Variants in SLAMF9 observed in about 807,000 individuals in gnomAD.
SLAMF9 encodes the protein SLAM family member 9, also known as CD2 family member 10.
Under a neutral mutation model 30.4 loss-of-function variants are expected in SLAMF9, and 25 were observed. The observed-to-expected ratio is 0.82, with a 90% CI of 0.60 to 1.15. SLAMF9 has a LOEUF of 1.15. Ranked by LOEUF, SLAMF9 falls within the 50% of genes most tolerant of loss-of-function variation. The pLI, the probability that SLAMF9 is intolerant of heterozygous loss-of-function variation, is 0.00. For synonymous variants in SLAMF9, 129 were observed against 127.2 expected, an observed-to-expected ratio of 1.01 and a Z score of -0.09; for missense variants, 344 against 346.1, an observed-to-expected ratio of 0.99 and a Z score of 0.05.
the SLAMF9 span, among the ~76,000 whole-genome samples, chr1:159,967,495 A>T: frequency 6.6e-6 from 1 of 152,150 alleles, no homozygotes; most frequent in African/African-American, 2.4e-5. Flanking sequence ...CCAGTATTTG[A>T]TTACAATTTC....
At chr1:159,957,621 TA>T (rs879766357), upstream of SLAMF9, among the ~76,000 whole-genome samples, 28 of 150,368 alleles carry the variant, frequency 1.9e-4, no homozygotes, top group Admixed American at 5.3e-4. Flanking sequence ...AGACTCCATC[TA>T]AAAAAAAAAT....
the SLAMF9 span, among the ~76,000 whole-genome samples, chr1:159,968,579 G>A: frequency 3.3e-5 from 5 of 152,278 alleles, no homozygotes; most frequent in East Asian, 9.7e-4. Flanking sequence ...CTTTGTAGGG[G>A]AGAGAGGGAC....
chr1:159,970,464 T>C, the SLAMF9 span, among the ~76,000 whole-genome samples: 2 of 152,360 alleles, frequency 1.3e-5, no homozygotes, highest in African/African-American at 4.8e-5. Flanking sequence ...AGCAGGGCCA[T>C]TTCTCTGAGC....
chr1:159,953,785 C>T, intron 1 of SLAMF9, 132 bp from the exon 2 acceptor site: 1 of 814,050 alleles, frequency 1.2e-6, no homozygotes, highest in Non-Finnish European at 1.9e-6. Flanking sequence ...ATCCTGTTCT[C>T]CAGCTGCTGC....
At chr1:159,973,189 G>T in the SLAMF9 span, 1 of 1,496,216 alleles carries the variant, frequency 6.7e-7, no homozygotes, top group Non-Finnish European at 9.3e-7. Context: ...GACCTCAGGG[G>T]GTGCAGCTTT....
At chr1:159,971,451 G>A in the SLAMF9 span, among the ~76,000 whole-genome samples, 1 of 152,270 alleles carries the variant, frequency 6.6e-6, no homozygotes, top group South Asian at 2.1e-4. Flanking sequence ...TGACACTGCT[G>A]GAGAACAAGG....
the SLAMF9 span, among the ~76,000 whole-genome samples, chr1:159,971,411 G>A: frequency 6.6e-6 from 1 of 152,204 alleles, no homozygotes; most frequent in Admixed American, 6.5e-5. Flanking sequence ...CAATCAAACT[G>A]GACTCCTCAA....
At chr1:159,962,725 G>C in the SLAMF9 span, among the ~76,000 whole-genome samples, 1 of 152,184 alleles carries the variant, frequency 6.6e-6, no homozygotes, top group Non-Finnish European at 1.5e-5. Context: ...TGGAGTCAAA[G>C]TTATCTGCTA....
Position 159,953,483 on chromosome 1 carries a change from C to G in SLAMF9, c.217G>C (p.Ala73Pro). 2 of 1,614,190 alleles carry G rather than the reference C, an allele frequency of 1.2e-6. No individual in the cohort carries two copies. Among genetic ancestry groups the G allele is most frequent in the Non-Finnish European group, 1.7e-6 (2 of 1,180,024 alleles). The change falls in exon 2 of 4, where the codon GCT becomes CCT. Residue 73 changes from alanine (A) to proline (P), a missense_variant. Transcript: ENST00000368093. ...TGTGGATTGGTCACCATGATGGTAG[C>G]TGGATGTCCCTCTTTCCCTGGCACC... ...TVVPGKEGHP[A>P]TIMVTNPHYQ...
the SLAMF9 span, among the ~76,000 whole-genome samples, chr1:159,968,878 T>C: frequency 6.6e-6 from 1 of 151,990 alleles, no homozygotes; most frequent in Non-Finnish European, 1.5e-5. Context: ...TGGTGAAACC[T>C]CATTTCTACT....
At chr1:159,971,811 C>T in the SLAMF9 span, among the ~76,000 whole-genome samples, 1 of 152,112 alleles carries the variant, frequency 6.6e-6, no homozygotes, top group Admixed American at 6.5e-5. Context: ...ACACCCAGGC[C>T]CTTAGAGCTA....
chr1:159,976,973 G>GAAAAA, the SLAMF9 span: 1 of 115,804 alleles, frequency 8.6e-6, no homozygotes, highest in East Asian at 2.3e-4. Context: ...AAAGAAAGAA[G>GAAAAA]GAAAGAAGGA....
the SLAMF9 span, among the ~76,000 whole-genome samples, chr1:159,965,115 A>G: frequency 2.0e-5 from 3 of 152,372 alleles, no homozygotes; most frequent in East Asian, 5.8e-4. Flanking sequence ...TCAAGCTTCA[A>G]TTAAATGCCA....
chr1:159,982,342 C>T, the SLAMF9 span, among the ~76,000 whole-genome samples: 1 of 152,176 alleles, frequency 6.6e-6, no homozygotes, highest in Non-Finnish European at 1.5e-5. Context: ...TGCCGCTTCA[C>T]ATCAAGGCCT....
At chr1:159,967,176 A>G in the SLAMF9 span, among the ~76,000 whole-genome samples, 3 of 152,170 alleles carry the variant, frequency 2.0e-5, no homozygotes, top group Admixed American at 2.0e-4. Flanking sequence ...CTTCTAGGGT[A>G]CATGTGTACA....
chr1:159,978,728 A>G, the SLAMF9 span: 4 of 152,204 alleles, frequency 2.6e-5, no homozygotes, highest in Admixed American at 6.5e-5. Flanking sequence ...GAACCTCAAA[A>G]ATGGAACCTC....
the SLAMF9 span, among the ~76,000 whole-genome samples, chr1:159,959,792 G>A: frequency 6.6e-6 from 1 of 152,032 alleles, no homozygotes; most frequent in African/African-American, 2.4e-5. Flanking sequence ...ATCCATAGAT[G>A]AGGGGGTTCC....
chr1:159,977,792 CT>C, the SLAMF9 span, among the ~76,000 whole-genome samples: 2 of 152,196 alleles, frequency 1.3e-5, no homozygotes, highest in Admixed American at 6.5e-5. Flanking sequence ...CAGCTGTCCC[CT>C]CAGACAGACA....
chr1:159,963,782 C>A, the SLAMF9 span, among the ~76,000 whole-genome samples: 3 of 152,114 alleles, frequency 2.0e-5, no homozygotes, highest in Admixed American at 1.3e-4. Flanking sequence ...TTATTTGGGC[C>A]AGGCGCAGTG....
Sources: allele counts gnomAD v4.1 joint callset (sites outside exome capture counted in the v4.1 genomes callset), GRCh38; gene constraint gnomAD v4.1.1; transcripts MANE v1.5; gene names NCBI Gene and HGNC (gene_info 2026-07-23, HGNC 2026-07-21).